Variants in ZNF362 observed in about 807,000 individuals in gnomAD.
The protein encoded by ZNF362 is rotund homolog.
Under a neutral mutation model 42.9 loss-of-function variants are expected in ZNF362, and 11 were observed. The ratio of observed to expected loss-of-function variants is 0.26; its 90% CI spans 0.16 to 0.42. The LOEUF (loss-of-function observed/expected upper bound fraction) is 0.42, where lower values mean the gene tolerates loss of function less well. ZNF362 is among the 20% of genes least tolerant of loss of function. The probability of loss-of-function intolerance (pLI) is 1.00; values close to 1 mark genes in which losing one functional copy is unlikely to be tolerated. For missense variants in ZNF362, 362 were observed against 576.2 expected (o/e 0.63, Z 3.81); for synonymous variants, 255 against 257.3 (o/e 0.99, Z 0.09).
chr1:33,176,984 G>A, the ZNF362 span, among the ~76,000 whole-genome samples: 1 of 152,118 alleles, frequency 6.6e-6, no homozygotes, highest in African/African-American at 2.4e-5. Context: ...TTTGCTCAGT[G>A]GTCCAGGTAC....
At position 33,281,604 on chromosome 1, in the gene ZNF362, T is replaced by G. The variant is rs1472810735; in HGVS notation, c.701T>G (p.Leu234Arg). The change falls in exon 6 of 9, where the codon CTG (leucine) becomes CGG (arginine). Residue 234 changes from leucine (L) to arginine (R), a missense_variant. By Grantham distance (102) the Leu-to-Arg change is moderately radical (BLOSUM62 -2). Around this residue, in one of 3 missense-constraint regions of ZNF362, gnomAD observed 266 missense variants for 365.4 expected, o/e 0.73. Coordinates refer to ENST00000539719, the MANE Select transcript of ZNF362 (RefSeq NM_152493.3). The surrounding 1 kb of genome is among the most constrained non-coding windows in gnomAD (Gnocchi z 4.8). ...CTCCGCAGGTGTAAGGTATGCCCAC[T>G]GACCTTTTTCACCAAGTCAGAGATG... ...GKTYRCKVCP[L>R]TFFTKSEMQI... is the part of the protein sequence containing the mutation. The G allele has an allele frequency of 1.9e-6, 3 of 1,614,104 alleles. No individual in the cohort carries two copies. The African/African-American group carries it at 4.0e-5, about 22-fold the overall frequency.
chr1:33,138,630 A>C, the ZNF362 span, among the ~76,000 whole-genome samples: 17 of 144,908 alleles, frequency 1.2e-4, no homozygotes, highest in East Asian at 1.8e-3. Flanking sequence ...CAACAACAAA[A>C]AAAAAAAAAA....
chr1:33,200,359 C>T, the ZNF362 span: 1 of 151,784 alleles, frequency 6.6e-6, no homozygotes, highest in South Asian at 2.1e-4. Flanking sequence ...AAAAAATACT[C>T]AATCCAAAAA....
chr1:33,181,528 G>C, the ZNF362 span: 3 of 1,450,996 alleles, frequency 2.1e-6, no homozygotes, highest in African/African-American at 2.9e-5. The surrounding 1 kb of genome is among the most constrained non-coding windows in gnomAD (Gnocchi z 6.5). Flanking sequence ...TGGGCGCGGG[G>C]ACGAGGCCCG....
the ZNF362 span, among the ~76,000 whole-genome samples, chr1:33,188,001 C>T: frequency 5.3e-4 from 80 of 152,156 alleles, 1 homozygote; most frequent in Non-Finnish European, 1.8e-4. Context: ...TTTGGGAGGC[C>T]GAGACGGGCA....
chr1:33,169,747 C>T, the ZNF362 span, among the ~76,000 whole-genome samples: 3 of 152,208 alleles, frequency 2.0e-5, no homozygotes, highest in Non-Finnish European at 2.9e-5. Flanking sequence ...TTCAGCTCCT[C>T]GGTTGCACTG....
chr1:33,238,381 T>TAAATAAAATAAAATAAAATA, the ZNF362 span, among the ~76,000 whole-genome samples: 3 of 105,530 alleles, frequency 2.8e-5, no homozygotes, highest in Admixed American at 9.1e-5. Context: ...TAAAATAAAA[T>TAAATAAAATAAAATAAAATA]AAATAAAATA....
rs1013748020 is a variant in ZNF362, at chr1:33,281,131, C to T, written c.684-456C>T. Among the ~76,000 whole-genome samples, 8 of 152,168 alleles carry T rather than the reference C, an allele frequency of 5.3e-5. No individual in the cohort carries two copies. Among genetic ancestry groups the T allele is most frequent in the African/African-American group, 1.2e-4 (5 of 41,434 alleles). ...TCACCTGAAGAGCTTTCAGAAAATG[C>T]GGATGCCAGGGCTGCATCTCCAGGA... On this transcript the variant is annotated intron_variant, in intron 5 of 8. Coordinates refer to ENST00000539719, the MANE Select transcript of ZNF362 (RefSeq NM_152493.3). The surrounding 1 kb of genome is among the most constrained non-coding windows in gnomAD (Gnocchi z 4.8).
At chr1:33,153,182 T>A in the ZNF362 span, among the ~76,000 whole-genome samples, 1 of 152,114 alleles carries the variant, frequency 6.6e-6, no homozygotes, top group East Asian at 1.9e-4. Flanking sequence ...GCTAGGTCCC[T>A]GGGGGCACCC....
chr1:33,134,842 T>C, the ZNF362 span, among the ~76,000 whole-genome samples: 2 of 152,228 alleles, frequency 1.3e-5, no homozygotes, highest in African/African-American at 4.8e-5. Context: ...GAGAAATCCC[T>C]GGCTCCTCAT....
In ZNF362 at chr1:33,280,220, C is replaced by G; in HGVS notation, c.446C>G (p.Thr149Ser). 2 of 1,613,986 alleles carry G rather than the reference C, an allele frequency of 1.2e-6. No individual in the cohort carries two copies. The highest frequency in any genetic ancestry group is 1.7e-6 in the Non-Finnish European group (2 of 1,179,906). ...GTGTSTPSTP[T>S]TTSQSRLIAS... ...GGTACCAGCACCCCGTCCACACCCA[C>G]CACCACCAGCCAGAGCCGCCTCATC... Residue 149 changes from threonine to serine, a missense_variant, in exon 5 of 9, where the codon ACC becomes AGC. Physicochemically the swap from Thr to Ser is moderately conservative, Grantham distance 58 (BLOSUM62 1). Coordinates refer to ENST00000539719, the MANE Select transcript of ZNF362 (RefSeq NM_152493.3). This position sits in a 1 kb window ranked among gnomAD's most constrained non-coding sequence, Gnocchi z 5.6.
intron 6 of ZNF362, among the ~76,000 whole-genome samples, chr1:33,292,397 C>T (rs533283924): frequency 2.0e-5 from 3 of 152,328 alleles, no homozygotes; most frequent in Non-Finnish European, 2.9e-5. Flanking sequence ...TTGAACCAGC[C>T]TTGCATCCCA....
Position 33,281,270 on chromosome 1 carries a change from G to A in ZNF362, c.684-317G>A, listed in dbSNP as rs1158225169. Among the ~76,000 whole-genome samples the A allele has an allele frequency of 2.0e-5, 3 of 152,126 alleles. No homozygotes were observed. Among genetic ancestry groups the A allele is most frequent in the South Asian group, 2.1e-4 (1 of 4,836 alleles). On this transcript the variant is annotated intron_variant, in intron 5 of 8. Coordinates refer to ENST00000539719, the MANE Select transcript of ZNF362 (RefSeq NM_152493.3). This position sits in a 1 kb window ranked among gnomAD's most constrained non-coding sequence, Gnocchi z 4.8. ...GCAGCCTGGTTGAGAACTACTTCAC[G>A]TGGTAGCGCCTCCTGCCCAGAACCG...
chr1:33,207,153 A>G, the ZNF362 span, among the ~76,000 whole-genome samples: 3 of 124,228 alleles, frequency 2.4e-5, no homozygotes, highest in South Asian at 7.4e-4. Flanking sequence ...CCCTGTGTCC[A>G]TGTGTTCTCA....
At chr1:33,227,758 C>T in the ZNF362 span, among the ~76,000 whole-genome samples, 3 of 152,128 alleles carry the variant, frequency 2.0e-5, no homozygotes, top group African/African-American at 7.2e-5. Flanking sequence ...CTCTACCATT[C>T]CTGTTTCTAT....
At chr1:33,212,875 G>C in the ZNF362 span, among the ~76,000 whole-genome samples, 3 of 152,170 alleles carry the variant, frequency 2.0e-5, no homozygotes, top group Non-Finnish European at 4.4e-5. Flanking sequence ...GAAAGCGTAC[G>C]TGCATGCAAA....
At chr1:33,144,918 T>G in the ZNF362 span, among the ~76,000 whole-genome samples, 1 of 152,386 alleles carries the variant, frequency 6.6e-6, no homozygotes, top group South Asian at 2.1e-4. Context: ...TAGGGCCTCC[T>G]TAAGTGCACT....
the ZNF362 span, chr1:33,145,321 T>A: frequency 6.5e-6 from 1 of 152,850 alleles, no homozygotes; most frequent in African/African-American, 2.4e-5. Flanking sequence ...CTTTGTGGAT[T>A]AGCTATGCTC....
At chr1:33,224,920 T>C in the ZNF362 span, among the ~76,000 whole-genome samples, 1 of 151,752 alleles carries the variant, frequency 6.6e-6, no homozygotes, top group African/African-American at 2.4e-5. Context: ...GAGAAAAAGA[T>C]ATATATTCAA....
Sources: allele counts gnomAD v4.1 joint callset (sites outside exome capture counted in the v4.1 genomes callset), GRCh38; gene constraint gnomAD v4.1.1; regional missense constraint gnomAD v4.1.1; non-coding constraint Gnocchi (gnomAD v3.1); transcripts MANE v1.5; gene names NCBI Gene and HGNC (gene_info 2026-07-23, HGNC 2026-07-21).